Variants in CA3 observed in about 807,000 individuals in gnomAD.
CA3 encodes carbonic anhydrase 3.
In CA3, 30 loss-of-function variants were observed where a neutral mutation model predicts 35.7. The ratio of observed to expected loss-of-function variants is 0.84; its 90% CI spans 0.63 to 1.14. The LOEUF is 1.14. Ranked by LOEUF, CA3 falls within the 50% of genes most tolerant of loss-of-function variation. The probability of loss-of-function intolerance (pLI) is 0.00; values close to 1 mark genes in which losing one functional copy is unlikely to be tolerated. For missense variants in CA3, 295 were observed against 328.5 expected, an observed-to-expected ratio of 0.90 and a Z score of 0.79; for synonymous variants, 131 against 130.8, an observed-to-expected ratio of 1.00 and a Z score of -0.01.
chr8:85,439,457 G>C (rs1427748692), intron 1 of CA3, among the ~76,000 whole-genome samples: 2 of 152,132 alleles, frequency 1.3e-5, no homozygotes, highest in East Asian at 1.9e-4. Context: ...AAAAAAATGT[G>C]ATAAAGTTTA....
Position 85,445,503 on chromosome 8 carries a change from A to AAC in CA3, c.507+326_507+327dup, listed in dbSNP as rs766933947. 3.0e-3 allele frequency among the ~76,000 whole-genome samples: 366 copies of AAC among 123,318 alleles called. 2 individuals carry two copies. Among genetic ancestry groups the AAC allele is most frequent in the South Asian group, 5.6e-3 (21 of 3,738 alleles). The allele number at this position is 123,318 out of a possible 152,430, so 80.9% of individuals were successfully genotyped here. ...TTGAGTGGTCACCGCATCCTCGCCC[A>AAC]ACACACACACACACACACACACACA... On this transcript the variant is annotated intron_variant, in intron 5 of 6. Coordinates refer to ENST00000285381, the MANE Select transcript of CA3 (RefSeq NM_005181.4).
Position 85,445,218 on chromosome 8 carries a change from G to A in CA3, c.507G>A (p.Lys169=). Residue 169 remains lysine, a splice_region_variant and synonymous_variant, in exon 5 of 7, where the codon AAG becomes AAA. Transcript: ENST00000285381. The part of the protein sequence containing the change: ...FLDALDKIKT[K]GKEAPFTKFD... The stretch of plus-strand genomic sequence containing the variant: ...ATGCATTGGACAAGATTAAGACAAA[G>A]GTAAACAAAAATCATTTTCCCTCCT... 1 of 1,586,780 alleles carries A rather than the reference G, an allele frequency of 6.3e-7. No individual in the cohort carries two copies. The highest frequency in any genetic ancestry group is 8.6e-7 in the Non-Finnish European group (1 of 1,160,566).
At position 85,446,370 on chromosome 8, in the gene CA3, T is replaced by C. The variant is rs527340712; in HGVS notation, c.663+73T>C. 7.8e-5 allele frequency: 117 copies of C among 1,500,614 alleles called. No individual in the cohort carries two copies. The South Asian group carries it at 1.4e-3, about 17-fold the overall frequency. 93.0% of individuals were successfully genotyped at this position (1,500,614 alleles called of 1,614,324 possible). ...TAAGATACAGATGCTAAATCAAAAA[T>C]ACATAGCTACTAACTGGATACTCAC... On this transcript the variant is annotated intron_variant, in intron 6 of 6. Transcript: ENST00000285381.
rs907461129 is a variant in CA3 at position 85,439,576 on chromosome 8, T to C, written c.35-136T>C. Reference sequence around the variant, plus strand: ...AGGCCTGAAATGAATGCTAAGTCTCTTATTGCCCAGTCTGAAACCTAAGAC... The same window carrying C: ...AGGCCTGAAATGAATGCTAAGTCTCCTATTGCCCAGTCTGAAACCTAAGAC... On this transcript the variant is annotated intron_variant, in intron 1 of 6. Coordinates refer to ENST00000285381, the MANE Select transcript of CA3 (RefSeq NM_005181.4). 1.5e-5 allele frequency: 9 copies of C among 617,020 alleles called. No homozygotes were observed. In the African/African-American group the frequency reaches 1.7e-4, roughly 11 times the overall value. The allele number at this position is 617,020 out of a possible 1,614,324, so 38.2% of individuals were successfully genotyped here.
In CA3 at chr8:85,438,942, C is replaced by T. The variant is rs1302075406; in HGVS notation, c.33C>T (p.Asn11=). 2 of 1,551,176 alleles carry T rather than the reference C, an allele frequency of 1.3e-6. No homozygotes were observed. Among genetic ancestry groups the T allele is most frequent in the Admixed American group, 3.9e-5 (2 of 50,998 alleles). The change falls in exon 1 of 7, where the codon AAC becomes AAT. Residue 11 remains asparagine (N), a splice_region_variant and synonymous_variant. Transcript: ENST00000285381. ...AGGAGTGGGGCTACGCCAGTCACAA[C>T]GGTGAGTGCAGGCAGCCGCGACCCG... The part of the protein sequence containing the change: MAKEWGYASH[N]GPDHWHELFP...
chr8:85,444,368 G>GGTGT (rs3830363), intron 4 of CA3, among the ~76,000 whole-genome samples: 78 of 151,494 alleles, frequency 5.1e-4, no homozygotes, highest in Non-Finnish European at 6.2e-4. Flanking sequence ...AGATGTGGGA[G>GGTGT]GTGTGTGTGT....
chr8:85,441,045 G>A (rs1811199596), intron 2 of CA3, among the ~76,000 whole-genome samples: 2 of 152,154 alleles, frequency 1.3e-5, no homozygotes. Context: ...TGTTCTGAGT[G>A]GTTGGACAGG....
chr8:85,447,919 A>G, intron 6 of CA3, 115 bp from the exon 7 acceptor site: 1 of 1,000,364 alleles, frequency 1.0e-6, no homozygotes, highest in South Asian at 2.0e-5. Flanking sequence ...AAACAAACAA[A>G]CAAACAAAAA....
intron 6 of CA3, 46 bp downstream of exon 6, chr8:85,446,343 T>A (rs763731203): frequency 6.3e-7 from 1 of 1,581,652 alleles, no homozygotes; most frequent in Non-Finnish European, 8.6e-7. Flanking sequence ...TGTCTGCCTA[T>A]GTAAGATACA....
chr8:85,438,862 C>G lies in CA3; in HGVS notation c.-48C>G, dbSNP rs1811165815. 3.2e-6 allele frequency: 5 copies of G among 1,548,480 alleles called. No individual in the cohort carries two copies. The highest frequency in any genetic ancestry group is 1.2e-5 in the South Asian group (1 of 83,950). On this transcript the variant is annotated 5_prime_UTR_variant, in exon 1 of 7. Transcript: ENST00000285381. ...GCGGGCTCGCGGCGACTCTGCACCA[C>G]GCAGGGGAAGAGAAAGCAGGAGCCG...
Position 85,446,153 on chromosome 8 carries a change from G to A in CA3, c.519G>A (p.Ala173=), listed in dbSNP as rs754471970. The part of the protein sequence containing the change: ...LDKIKTKGKE[A]PFTKFDPSCL... The stretch of plus-strand genomic sequence containing the variant: ...CTGCTCTTACCCAGGGCAAGGAGGC[G>A]CCCTTCACAAAGTTTGACCCATCCT... Residue 173 remains alanine (A), a synonymous_variant, in exon 6 of 7, where the codon GCG becomes GCA. Transcript: ENST00000285381. The A allele has an allele frequency of 1.4e-5, 22 of 1,609,104 alleles. No homozygotes were observed. The highest frequency in any genetic ancestry group is 1.6e-4 in the Middle Eastern group (1 of 6,076).
chr8:85,439,907 C>G lies in CA3; in HGVS notation c.230C>G (p.Ser77Ter). 1 of 1,606,738 alleles carries G rather than the reference C, an allele frequency of 6.2e-7. No individual in the cohort carries two copies. The highest frequency in any genetic ancestry group is 8.5e-7 in the Non-Finnish European group (1 of 1,175,980). ...GTATTTGATGATACTTATGATAGGT[C>G]AAGTAAGTATGACAATGAGGTAGAA... ...RVVFDDTYDR[S>*]MLRGGPLPGP... The change falls in exon 2 of 7, where the codon TCA becomes TGA. Residue 77 changes from serine (S) to a stop codon, truncating the protein, a stop_gained and splice_region_variant. Coordinates refer to ENST00000285381, the MANE Select transcript of CA3 (RefSeq NM_005181.4). LOFTEE classifies it high-confidence loss of function.
chr8:85,448,346 A>G lies in CA3; in HGVS notation c.*193A>G, dbSNP rs1811322622. The G allele has an allele frequency of 4.6e-6, 2 of 435,896 alleles. No individual in the cohort carries two copies. Among genetic ancestry groups the G allele is most frequent in the Non-Finnish European group, 7.9e-6 (2 of 254,630 alleles). 27.0% of individuals were successfully genotyped at this position (435,896 alleles called of 1,614,324 possible). ...TACTTTCGACAAGATCTAATATGAA[A>G]GCATAGATTTCACATTTGATCTCTG... On this transcript the variant is annotated 3_prime_UTR_variant, in exon 7 of 7. Transcript: ENST00000285381.
In CA3 at chr8:85,441,235, T is replaced by G. The variant is rs558078435; in HGVS notation, c.233-838T>G. Among the ~76,000 whole-genome samples, 17 of 152,346 alleles carry G rather than the reference T, an allele frequency of 1.1e-4. No individual in the cohort carries two copies. The South Asian group carries it at 3.5e-3, about 32-fold the overall frequency. On this transcript the variant is annotated intron_variant, in intron 2 of 6. Coordinates refer to ENST00000285381, the MANE Select transcript of CA3 (RefSeq NM_005181.4). Reference sequence around the variant, plus strand: ...TAGCTTATATTGCCAAATCTTGATCTTAGGGTTTCTGCATAGTTTCCAATA... The same window carrying G: ...TAGCTTATATTGCCAAATCTTGATCGTAGGGTTTCTGCATAGTTTCCAATA...
Position 85,448,273 on chromosome 8 carries a change from T to C in CA3, c.*120T>C, listed in dbSNP as rs1158666412. On this transcript the variant is annotated 3_prime_UTR_variant, in exon 7 of 7. Transcript: ENST00000285381. The stretch of plus-strand genomic sequence containing the variant: ...TCATTTTTCCACACTGAGCAATGAA[T>C]GTGAGAGATGTGGTCACCAAGATCT... 2 of 982,738 alleles carry C rather than the reference T, an allele frequency of 2.0e-6. No homozygotes were observed. The highest frequency in any genetic ancestry group is 5.5e-5 in the East Asian group (2 of 36,614). The allele number at this position is 982,738 out of a possible 1,614,324, so 60.9% of individuals were successfully genotyped here. A position where few individuals can be genotyped will look rare whatever the true frequency, so the allele number is the denominator to read the frequency against.
chr8:85,448,112 C>T lies in CA3; in HGVS notation c.742C>T (p.Gln248Ter), dbSNP rs771819200. 1 of 1,613,590 alleles carries T rather than the reference C, an allele frequency of 6.2e-7. No homozygotes were observed. Among genetic ancestry groups the T allele is most frequent in the East Asian group, 2.2e-5 (1 of 44,880 alleles). The change falls in exon 7 of 7, where the codon CAG becomes TAG. Residue 248 changes from glutamine (Q) to a stop codon, truncating the protein, a stop_gained. Transcript: ENST00000285381. LOFTEE classifies it high-confidence loss of function. ...TCTTGTGAGCAACTGGCGACCTCCA[C>T]AGCCTATCAATAACAGGGTGGTGAG... Reference protein sequence around the residue: ...VPLVSNWRPPQPINNRVVRAS... With the variant: ...VPLVSNWRPP
intron 2 of CA3, 27 bp from the exon 3 acceptor site, chr8:85,442,046 T>C (rs1585998275): frequency 9.2e-7 from 1 of 1,090,574 alleles, no homozygotes; most frequent in Non-Finnish European, 1.4e-6. Flanking sequence ...ATGAATTCAC[T>C]GTTGACCAAG....
chr8:85,441,946 G>A, intron 2 of CA3, 127 bp from the exon 3 acceptor site: 1 of 686,526 alleles, frequency 1.5e-6, no homozygotes, highest in South Asian at 1.6e-5. Flanking sequence ...CCTGGGAGTG[G>A]CACCATCCAC....
chr8:85,445,179 C>A lies in CA3; in HGVS notation c.468C>A (p.Phe156Leu). The A allele has an allele frequency of 6.2e-7, 1 of 1,608,086 alleles. No individual in the cohort carries two copies. ...FLKIGHENGE[F>L]QIFLDALDKI... ...AGATAGGACATGAGAATGGCGAGTT[C>A]CAGATTTTCCTTGATGCATTGGACA... Residue 156 changes from phenylalanine (F) to leucine (L), a missense_variant, in exon 5 of 7, where the codon TTC becomes TTA. Physicochemically the swap from Phe to Leu is conservative, Grantham distance 22 (BLOSUM62 0). Transcript: ENST00000285381.
Sources: gnomAD v4.1 joint callset for allele counts (sites outside exome capture counted in the v4.1 genomes callset) on GRCh38, gnomAD v4.1.1 for gene constraint, MANE v1.5 for transcripts, NCBI Gene and HGNC (gene_info 2026-07-23, HGNC 2026-07-21) for gene names.